Variants in ASB3 observed in about 807,000 individuals in gnomAD.
ASB3 encodes the protein ankyrin repeat and SOCS box protein 3.
ASB3 carries 41 observed loss-of-function variants against 54.5 expected under a neutral mutation model. The observed-to-expected ratio is 0.75, with a 90% CI of 0.59 to 0.98. ASB3 has a LOEUF of 0.98. ASB3 is among the 50% of genes least tolerant of loss of function. The probability of loss-of-function intolerance (pLI) is 0.00; values close to 1 mark genes in which losing one functional copy is unlikely to be tolerated. For missense variants in ASB3, 733 were observed against 620.0 expected, an observed-to-expected ratio of 1.18 and a Z score of -1.94; for synonymous variants, 266 against 221.2, an observed-to-expected ratio of 1.20 and a Z score of -1.80.
At chr2:53,752,076 A>G (rs1672545797) in intron 2 of ASB3, among the ~76,000 whole-genome samples, 1 of 152,244 alleles carries the variant, frequency 6.6e-6, no homozygotes, top group Non-Finnish European at 1.5e-5. Flanking sequence ...ACATATATAG[A>G]TAATAGACAT....
chr2:53,675,991 C>T (rs554490634), intron 9 of ASB3, among the ~76,000 whole-genome samples: 1 of 152,018 alleles, frequency 6.6e-6, no homozygotes, highest in Non-Finnish European at 1.5e-5. Flanking sequence ...AGAATTTTTA[C>T]AAAATACATG....
At chr2:53,681,656 A>G (rs1430842598) in intron 9 of ASB3, among the ~76,000 whole-genome samples, 1 of 152,138 alleles carries the variant, frequency 6.6e-6, no homozygotes, top group Non-Finnish European at 1.5e-5. Flanking sequence ...TTTGTTGAAA[A>G]TGAGTTCACT....
At chr2:53,702,058 T>A (rs1490631065) in intron 7 of ASB3, among the ~76,000 whole-genome samples, 2 of 152,202 alleles carry the variant, frequency 1.3e-5, no homozygotes, top group African/African-American at 4.8e-5. Context: ...TAATCCCATA[T>A]AATATCTATT....
intron 5 of ASB3, among the ~76,000 whole-genome samples, chr2:53,721,270 C>G (rs1262611494): frequency 6.6e-6 from 1 of 151,604 alleles, no homozygotes; most frequent in Non-Finnish European, 1.5e-5. Context: ...TTAACTTGCT[C>G]TTGGCTGGGC....
At chr2:53,730,318 T>C (rs970992441) in intron 3 of ASB3, among the ~76,000 whole-genome samples, 2 of 152,160 alleles carry the variant, frequency 1.3e-5, no homozygotes, top group African/African-American at 4.8e-5. Context: ...TGAATGTTGT[T>C]AGGTGTGAGG....
Position 53,711,111 on chromosome 2 carries a change from C to G in ASB3, c.980+3273G>C, listed in dbSNP as rs572532573. Among the ~76,000 whole-genome samples the G allele has an allele frequency of 3.3e-5, 5 of 152,244 alleles. No homozygotes were observed. The East Asian group carries it at 9.6e-4, about 29-fold the overall frequency. On this transcript the variant is annotated intron_variant, in intron 7 of 9. Coordinates refer to ENST00000263634, the MANE Select transcript of ASB3 (RefSeq NM_016115.5). ...ATATCACTGCACTCTGTGTGGGCAA[C>G]AGAATGAGATCCTGTCTCAAAAACA...
At chr2:53,694,751 C>G (rs1405207953) in intron 8 of ASB3, among the ~76,000 whole-genome samples, 1 of 152,058 alleles carries the variant, frequency 6.6e-6, no homozygotes, top group Admixed American at 6.6e-5. Flanking sequence ...AACAGGTTGC[C>G]TGAATTATTT....
At chr2:53,768,718 T>C (rs1673676801) in intron 1 of ASB3, among the ~76,000 whole-genome samples, 1 of 152,242 alleles carries the variant, frequency 6.6e-6, no homozygotes, top group Non-Finnish European at 1.5e-5. Flanking sequence ...ATAATTATAA[T>C]ATGAAATGTA....
intron 3 of ASB3, among the ~76,000 whole-genome samples, chr2:53,735,725 C>G (rs1029782049): frequency 6.6e-6 from 1 of 151,402 alleles, no homozygotes; most frequent in Admixed American, 6.6e-5. Flanking sequence ...AGCCAGAGGA[C>G]TCATACAAGC....
At chr2:53,747,996 G>T (rs887679621) in intron 3 of ASB3, among the ~76,000 whole-genome samples, 1 of 152,156 alleles carries the variant, frequency 6.6e-6, no homozygotes, top group African/African-American at 2.4e-5. Flanking sequence ...CCAAAACACA[G>T]ACAACAGCAA....
intron 1 of ASB3, 137 bp from the exon 2 acceptor site, chr2:53,765,722 T>G (rs2287340): frequency 0.078 from 78,471 of 1,012,454 alleles, 3,902 homozygotes; most frequent in Admixed American, 0.14. Flanking sequence ...AGAAAGTGAC[T>G]GCCATGCCAC....
chr2:53,712,556 C>T (rs1670159928), intron 7 of ASB3, among the ~76,000 whole-genome samples: 1 of 152,094 alleles, frequency 6.6e-6, no homozygotes, highest in Admixed American at 6.6e-5. Context: ...AACATACTGC[C>T]CAGCTCCCAA....
chr2:53,671,165 G>A (rs529297102), intron 9 of ASB3, among the ~76,000 whole-genome samples: 2 of 152,292 alleles, frequency 1.3e-5, no homozygotes, highest in East Asian at 1.9e-4. Flanking sequence ...GAGAAAGGGA[G>A]TATTTACTGA....
intron 3 of ASB3, among the ~76,000 whole-genome samples, chr2:53,730,315 T>C (rs898878159): frequency 6.6e-6 from 1 of 152,190 alleles, no homozygotes; most frequent in African/African-American, 2.4e-5. Context: ...CTGTGAATGT[T>C]GTTAGGTGTG....
At chr2:53,682,522 G>T (rs765463119) in intron 9 of ASB3, among the ~76,000 whole-genome samples, 9 of 152,038 alleles carry the variant, frequency 5.9e-5, no homozygotes, top group African/African-American at 9.7e-5. Context: ...TGTCACCCAG[G>T]CTGGAGTGCA....
intron 2 of ASB3, among the ~76,000 whole-genome samples, chr2:53,763,027 C>A (rs1673231564): frequency 6.6e-6 from 1 of 152,084 alleles, no homozygotes; most frequent in Non-Finnish European, 1.5e-5. Flanking sequence ...CACTAATTAT[C>A]TTTTAGGAAT....
chr2:53,683,634 A>C (rs1668493308), intron 9 of ASB3, among the ~76,000 whole-genome samples: 1 of 152,050 alleles, frequency 6.6e-6, no homozygotes, highest in Non-Finnish European at 1.5e-5. Flanking sequence ...GGAAATTTTT[A>C]TTACAGCTTC....
At chr2:53,690,276 T>TA (rs1459593530) in intron 9 of ASB3, among the ~76,000 whole-genome samples, 4 of 151,960 alleles carry the variant, frequency 2.6e-5, no homozygotes, top group Admixed American at 2.0e-4. Flanking sequence ...TTAATTAAAT[T>TA]AAAAACTGAG....
chr2:53,785,882 A>C (rs1674949249), intron 1 of ASB3, among the ~76,000 whole-genome samples: 1 of 152,268 alleles, frequency 6.6e-6, no homozygotes, highest in African/African-American at 2.4e-5. Flanking sequence ...AGTCTGGATC[A>C]CATTAAGCAT....
Sources: allele counts gnomAD v4.1 joint callset (sites outside exome capture counted in the v4.1 genomes callset), GRCh38; gene constraint gnomAD v4.1.1; transcripts MANE v1.5; gene names NCBI Gene and HGNC (gene_info 2026-07-23, HGNC 2026-07-21).